The following SH3PXD2A variants were observed in gnomAD, a reference collection of about 807,000 sequenced individuals.
SH3PXD2A encodes SH3 and PX domains 2A.
A neutral mutation model predicts 115.2 loss-of-function variants in SH3PXD2A; 32 were observed. The ratio of observed to expected loss-of-function variants is 0.28; its 90% CI spans 0.21 to 0.37. The LOEUF (loss-of-function observed/expected upper bound fraction) is 0.37, where lower values mean the gene tolerates loss of function less well. SH3PXD2A is among the 10% of genes least tolerant of loss of function. The pLI is 1.00. For synonymous variants in SH3PXD2A, 610 were observed against 629.1 expected (o/e 0.97, Z 0.45); for missense variants, 1,328 against 1,498.7 (o/e 0.89, Z 1.88).
At chr10:103,828,553 C>T (rs141229055) in intron 1 of SH3PXD2A, among the ~76,000 whole-genome samples, 5 of 152,292 alleles carry the variant, frequency 3.3e-5, no homozygotes, top group African/African-American at 1.2e-4. Context: ...ACAAGCTCTA[C>T]CTGGTGGTGG....
intron 6 of SH3PXD2A, among the ~76,000 whole-genome samples, chr10:103,674,409 C>T (rs1337758203): frequency 2.0e-5 from 3 of 152,186 alleles, no homozygotes; most frequent in African/African-American, 7.2e-5. Flanking sequence ...CTTTAGAGGA[C>T]CTGAAACAGG....
chr10:103,620,046 G>A lies in SH3PXD2A; in HGVS notation c.802+2424C>T, dbSNP rs1399554511. 1.3e-5 allele frequency among the ~76,000 whole-genome samples: 2 copies of A among 152,218 alleles called. No homozygotes were observed. Among genetic ancestry groups the A allele is most frequent in the Non-Finnish European group, 2.9e-5 (2 of 68,024 alleles). Reference sequence around the variant, plus strand: ...CAACTCACAGGTGTCCCAAGGAAGAGAGACTTGCCTGGGCCACAAACCCCA... The same window carrying A: ...CAACTCACAGGTGTCCCAAGGAAGAAAGACTTGCCTGGGCCACAAACCCCA... On this transcript the variant is annotated intron_variant, in intron 10 of 14. Transcript: ENST00000369774. This position sits in a 1 kb window ranked among gnomAD's most constrained non-coding sequence, Gnocchi z 5.3.
chr10:103,837,868 C>T (rs1589478596), intron 1 of SH3PXD2A, among the ~76,000 whole-genome samples: 2 of 152,150 alleles, frequency 1.3e-5, no homozygotes, highest in African/African-American at 2.4e-5. Flanking sequence ...GGGCTGCTCT[C>T]GAGAGGAGAG....
At chr10:103,803,115 C>G (rs543920684) in intron 1 of SH3PXD2A, among the ~76,000 whole-genome samples, 13 of 152,302 alleles carry the variant, frequency 8.5e-5, no homozygotes, top group Non-Finnish European at 1.5e-4. Flanking sequence ...CTTCTCCCTT[C>G]CTATCTCTAT....
intron 2 of SH3PXD2A, among the ~76,000 whole-genome samples, chr10:103,798,562 C>A (rs533354092): frequency 1.3e-5 from 2 of 152,334 alleles, no homozygotes; most frequent in South Asian, 4.1e-4. Context: ...GGGGAGAGGG[C>A]TTCCATCAGA....
chr10:103,650,802 C>G (rs1479588422), intron 8 of SH3PXD2A, among the ~76,000 whole-genome samples: 1 of 152,204 alleles, frequency 6.6e-6, no homozygotes, highest in African/African-American at 2.4e-5. Context: ...ACTGTAGGTG[C>G]AGAGTGAAAA....
Position 103,596,663 on chromosome 10 carries a change from A to ACTCTCTCTCGCTCTCT in SH3PXD2A, c.*5152_*5153insAGAGAGCGAGAGAGAG, listed in dbSNP as rs2036139773. ...CACACACACACACACACACACACAC[A>ACTCTCTCTCGCTCTCT]CTCTCTCTCTCTCTCTCTCTCTCAC... is the stretch of plus-strand genomic sequence containing the variant. On this transcript the variant is annotated 3_prime_UTR_variant, in exon 15 of 15. Transcript: ENST00000369774. The ACTCTCTCTCGCTCTCT allele has an allele frequency of 8.0e-6, 1 of 124,440 alleles. No homozygotes were observed. The highest frequency in any genetic ancestry group is 1.7e-5 in the Non-Finnish European group (1 of 59,982). 7.7% of individuals were successfully genotyped at this position (124,440 alleles called of 1,614,324 possible).
Position 103,763,675 on chromosome 10 carries a change from G to A in SH3PXD2A, c.229+3419C>T, listed in dbSNP as rs139540683. ...TGTCCTGAGCCCCTGTACCAGCTGC[G>A]GCTCCTCCCCTCAGTGCTGTGAGTG... is the stretch of plus-strand genomic sequence containing the variant. On this transcript the variant is annotated intron_variant, in intron 3 of 14. Transcript: ENST00000369774. 1.9e-3 allele frequency among the ~76,000 whole-genome samples: 285 copies of A among 152,296 alleles called. 3 individuals carry two copies. The East Asian group carries it at 0.026, about 14-fold the overall frequency.
chr10:103,818,617 G>C (rs558013905), intron 1 of SH3PXD2A, among the ~76,000 whole-genome samples: 26 of 152,286 alleles, frequency 1.7e-4, no homozygotes, highest in African/African-American at 6.0e-4. Flanking sequence ...AACGGGGAAT[G>C]CCATCAGCTC....
At chr10:103,853,050 GA>G (rs1234356582) in intron 1 of SH3PXD2A, among the ~76,000 whole-genome samples, 1 of 152,104 alleles carries the variant, frequency 6.6e-6, no homozygotes, top group African/African-American at 2.4e-5. Context: ...GTGTTTTCCA[GA>G]ACTCTAGTTC....
intron 10 of SH3PXD2A, among the ~76,000 whole-genome samples, chr10:103,621,221 C>T (rs1314236259): frequency 2.6e-5 from 4 of 152,132 alleles, no homozygotes; most frequent in Non-Finnish European, 5.9e-5. Context: ...AACCTTCATC[C>T]GTGCCATGCA....
chr10:103,723,071 A>G (rs867663074), intron 5 of SH3PXD2A, among the ~76,000 whole-genome samples: 8 of 152,152 alleles, frequency 5.3e-5, no homozygotes, highest in Admixed American at 1.3e-4. Context: ...ACATTCACAG[A>G]AAGTGCAGTG....
chr10:103,605,418 C>G (rs578132583), intron 14 of SH3PXD2A, among the ~76,000 whole-genome samples: 1 of 152,200 alleles, frequency 6.6e-6, no homozygotes, highest in African/African-American at 2.4e-5. Context: ...CAGTGACATC[C>G]TTGTATCCTA....
intron 3 of SH3PXD2A, among the ~76,000 whole-genome samples, chr10:103,759,060 G>A (rs541344425): frequency 7.1e-4 from 108 of 152,118 alleles, no homozygotes; most frequent in Non-Finnish European, 1.4e-3. Context: ...CCCAGGGAGC[G>A]GGCCACGGAC....
intron 6 of SH3PXD2A, among the ~76,000 whole-genome samples, chr10:103,677,033 C>T (rs1235052964): frequency 1.3e-5 from 2 of 152,156 alleles, no homozygotes; most frequent in African/African-American, 2.4e-5. Context: ...TCTCCAGCCC[C>T]GAGTCTTGCA....
At chr10:103,713,849 G>A (rs551568440) in intron 5 of SH3PXD2A, among the ~76,000 whole-genome samples, 15 of 152,334 alleles carry the variant, frequency 9.8e-5, no homozygotes, top group Admixed American at 5.2e-4. Context: ...ATAATGGTCT[G>A]CTGCCTCCTG....
At chr10:103,657,988 T>C (rs2037235908) in intron 8 of SH3PXD2A, among the ~76,000 whole-genome samples, 1 of 152,252 alleles carries the variant, frequency 6.6e-6, no homozygotes, top group Non-Finnish European at 1.5e-5. Flanking sequence ...TCTTGGACTC[T>C]AAGGCAATTA....
At chr10:103,712,052 A>T (rs11594187) in intron 5 of SH3PXD2A, among the ~76,000 whole-genome samples, 17,249 of 143,936 alleles carry the variant, frequency 0.12, 1,158 homozygotes, top group Non-Finnish European at 0.15. Context: ...TCTCAAAATT[A>T]AAAAAAAAAA....
intron 3 of SH3PXD2A, among the ~76,000 whole-genome samples, chr10:103,759,993 T>C (rs1356404650): frequency 1.3e-5 from 2 of 152,236 alleles, no homozygotes; most frequent in Admixed American, 6.5e-5. Context: ...TAACTGCTTT[T>C]TGTTTTGGAT....
Sources: gnomAD v4.1 joint callset for allele counts (sites outside exome capture counted in the v4.1 genomes callset) on GRCh38, gnomAD v4.1.1 for gene constraint, Gnocchi (gnomAD v3.1) non-coding constraint, MANE v1.5 for transcripts, NCBI Gene and HGNC (gene_info 2026-07-23, HGNC 2026-07-21) for gene names.